Variants in CCSER1 observed in about 807,000 individuals in gnomAD.
The protein encoded by CCSER1 is coiled-coil serine rich protein 1.
Under a neutral mutation model 82.0 loss-of-function variants are expected in CCSER1, and 41 were observed. That is an observed-to-expected ratio of 0.50 (90% CI 0.39 to 0.65). The LOEUF (loss-of-function observed/expected upper bound fraction) is 0.65, where lower values mean the gene tolerates loss of function less well. Ranked by LOEUF, CCSER1 falls within the 30% of genes least tolerant of loss-of-function variation. CCSER1 has a pLI of 0.00. For synonymous variants in CCSER1, 414 were observed against 383.9 expected (o/e 1.08, Z -0.92); for missense variants, 1,119 against 1,064.2 (o/e 1.05, Z -0.72).
At chr4:90,844,130 T>C (rs1762908462) in intron 8 of CCSER1, among the ~76,000 whole-genome samples, 1 of 151,190 alleles carries the variant, frequency 6.6e-6, no homozygotes, top group Non-Finnish European at 1.5e-5. Flanking sequence ...TATATATATC[T>C]TCCAGTGTGT....
At chr4:91,064,731 C>T (rs1355083979) in intron 9 of CCSER1, among the ~76,000 whole-genome samples, 1 of 152,002 alleles carries the variant, frequency 6.6e-6, no homozygotes. Context: ...TCAAAAGCCA[C>T]ATTGCTGGAA....
intron 5 of CCSER1, among the ~76,000 whole-genome samples, chr4:90,510,761 G>A (rs1279981400): frequency 1.3e-5 from 2 of 152,190 alleles, no homozygotes; most frequent in Non-Finnish European, 2.9e-5. Flanking sequence ...TGAAGTTGTA[G>A]TGATATCTCC....
chr4:90,977,495 GCATATA>G (rs1478271815), intron 9 of CCSER1, among the ~76,000 whole-genome samples: 1 of 151,254 alleles, frequency 6.6e-6, no homozygotes, highest in Non-Finnish European at 1.5e-5. Flanking sequence ...ATTTCAAATT[GCATATA>G]CTGGCATTAT....
At chr4:90,978,869 C>T (rs1246410664) in intron 9 of CCSER1, among the ~76,000 whole-genome samples, 2 of 151,688 alleles carry the variant, frequency 1.3e-5, no homozygotes, top group Admixed American at 1.3e-4. Context: ...AAAAACAGCC[C>T]TTTGAATACC....
intron 9 of CCSER1, among the ~76,000 whole-genome samples, chr4:90,926,584 G>A (rs941098496): frequency 3.3e-5 from 5 of 151,900 alleles, no homozygotes; most frequent in Admixed American, 2.0e-4. Context: ...CTTTTATCCT[G>A]CACCAGATTT....
chr4:91,041,636 C>T (rs568282434), intron 9 of CCSER1, among the ~76,000 whole-genome samples: 25 of 152,018 alleles, frequency 1.6e-4, no homozygotes, highest in East Asian at 3.9e-4. Context: ...ACAGGCTTAC[C>T]GGTTTTCAAA....
chr4:90,380,588 A>G (rs759214468), intron 3 of CCSER1, among the ~76,000 whole-genome samples: 5 of 152,162 alleles, frequency 3.3e-5, no homozygotes, highest in Admixed American at 6.5e-5. Flanking sequence ...TAAATGTACA[A>G]GTTATTTATT....
At chr4:90,992,715 C>T (rs1737149295) in intron 9 of CCSER1, among the ~76,000 whole-genome samples, 1 of 152,006 alleles carries the variant, frequency 6.6e-6, no homozygotes, top group Non-Finnish European at 1.5e-5. Flanking sequence ...TGGCTGTTCA[C>T]TGGAGGCCAC....
At chr4:91,060,758 G>T (rs1388080840) in intron 9 of CCSER1, among the ~76,000 whole-genome samples, 1 of 151,836 alleles carries the variant, frequency 6.6e-6, no homozygotes, top group Non-Finnish European at 1.5e-5. Flanking sequence ...TTTTAAGTGG[G>T]GTTGATAATG....
chr4:90,328,274 T>A (rs1330220669), intron 3 of CCSER1, among the ~76,000 whole-genome samples: 1 of 152,152 alleles, frequency 6.6e-6, no homozygotes, highest in Non-Finnish European at 1.5e-5. Context: ...TGAAGGCAAT[T>A]ATCTTTGGAG....
chr4:90,727,213 C>G (rs72661885), intron 7 of CCSER1: 11,652 of 455,488 alleles, frequency 0.026, 251 homozygotes, highest in Admixed American at 0.034. Context: ...GAATATTCAG[C>G]ATTATATCAA....
chr4:90,418,922 C>A (rs1756231949), intron 4 of CCSER1, among the ~76,000 whole-genome samples: 1 of 151,936 alleles, frequency 6.6e-6, no homozygotes, highest in Non-Finnish European at 1.5e-5. Flanking sequence ...TTTGGATTAT[C>A]TAATTTAATC....
chr4:91,363,142 C>A (rs944908331), intron 10 of CCSER1, among the ~76,000 whole-genome samples: 1 of 151,312 alleles, frequency 6.6e-6, no homozygotes, highest in African/African-American at 2.4e-5. Context: ...AAAACAAAAA[C>A]AAAACAAACA....
chr4:91,408,081 T>C (rs536931290), intron 10 of CCSER1, among the ~76,000 whole-genome samples: 1 of 152,248 alleles, frequency 6.6e-6, no homozygotes, highest in African/African-American at 2.4e-5. Flanking sequence ...GTACTAATCC[T>C]TTAGCACAGA....
intron 10 of CCSER1, among the ~76,000 whole-genome samples, chr4:91,556,306 T>A (rs1043335043): frequency 6.6e-6 from 1 of 150,610 alleles, no homozygotes; most frequent in African/African-American, 2.4e-5. Context: ...TGTTAAAAAA[T>A]TTGGTCTATT....
intron 9 of CCSER1, among the ~76,000 whole-genome samples, chr4:91,008,488 T>C (rs1203365257): frequency 6.6e-6 from 1 of 152,242 alleles, no homozygotes; most frequent in Non-Finnish European, 1.5e-5. Context: ...TTTTAACTTG[T>C]AGTCTGTTTT....
chr4:90,318,729 C>G (rs1736597409), intron 3 of CCSER1, among the ~76,000 whole-genome samples: 2 of 152,070 alleles, frequency 1.3e-5, no homozygotes, highest in Admixed American at 6.6e-5. Flanking sequence ...TCTTCTGGGG[C>G]CTGCTGTTTT....
chr4:90,302,565 C>T (rs1733361272), intron 1 of CCSER1, among the ~76,000 whole-genome samples: 1 of 152,142 alleles, frequency 6.6e-6, no homozygotes, highest in Non-Finnish European at 1.5e-5. Context: ...CTTTGGGACA[C>T]CGAGGCAGGA....
chr4:91,415,974 A>G (rs1378312732), intron 10 of CCSER1, among the ~76,000 whole-genome samples: 1 of 152,056 alleles, frequency 6.6e-6, no homozygotes, highest in African/African-American at 2.4e-5. Context: ...TTCACCAGGA[A>G]TGGTACTCTT....
Sources: gnomAD v4.1 joint callset for allele counts (sites outside exome capture counted in the v4.1 genomes callset) on GRCh38, gnomAD v4.1.1 for gene constraint, MANE v1.5 for transcripts, NCBI Gene and HGNC (gene_info 2026-07-23, HGNC 2026-07-21) for gene names.